TMEM63B: variants seen among roughly 807,000 people sequenced by gnomAD.
TMEM63B encodes the protein transmembrane protein 63B.
Under a neutral mutation model 102.6 loss-of-function variants are expected in TMEM63B, and 23 were observed. That is an observed-to-expected ratio of 0.22 (90% confidence interval 0.16 to 0.32). TMEM63B has a LOEUF of 0.32. Ranked by LOEUF, TMEM63B falls within the 10% of genes least tolerant of loss-of-function variation. The pLI, the probability that TMEM63B is intolerant of heterozygous loss-of-function variation, is 1.00. For missense variants in TMEM63B, 628 were observed against 1,095.9 expected (o/e 0.57, Z 6.03); for synonymous variants, 444 against 437.0 (o/e 1.02, Z -0.20).
At position 44,139,463 on chromosome 6, in the gene TMEM63B, G is replaced by A. The variant is rs11967633; in HGVS notation, c.408-4G>A. 0.33 allele frequency: 533,595 copies of A among 1,613,828 alleles called. 91,990 individuals carry two copies. Among genetic ancestry groups the A allele is most frequent in the Non-Finnish European group, 0.36 (424,643 of 1,179,860 alleles). On this transcript the variant is annotated splice_polypyrimidine_tract_variant and splice_region_variant and intron_variant, in intron 6 of 23. Transcript: ENST00000323267. ...ATTCCTTTGTCCAACCCGTATGGCT[G>A]CAGGGATGATGAGATCCGGGACAAA...
chr6:44,127,088 G>A (rs754557871), upstream of TMEM63B: 2 of 151,826 alleles, frequency 1.3e-5, no homozygotes, highest in African/African-American at 2.4e-5. Context: ...CGCCGGCCAC[G>A]GACTTGGGGG....
chr6:44,144,950 T>G (rs1561814499), intron 10 of TMEM63B, among the ~76,000 whole-genome samples: 1 of 151,980 alleles, frequency 6.6e-6, no homozygotes, highest in Non-Finnish European at 1.5e-5. Flanking sequence ...GATTAAGGAT[T>G]AGGATCAAAG....
chr6:44,126,875 TC>T (rs1302250519), upstream of TMEM63B: 1 of 152,174 alleles, frequency 6.6e-6, no homozygotes, highest in Non-Finnish European at 1.5e-5. Flanking sequence ...GGCGCACTCA[TC>T]AGCGTTGACA....
intron 1 of TMEM63B, among the ~76,000 whole-genome samples, chr6:44,129,543 A>G (rs1255786322): frequency 6.6e-6 from 1 of 152,162 alleles, no homozygotes; most frequent in Admixed American, 6.5e-5. Context: ...TAACTCTCCC[A>G]TGCCTCCACC....
At chr6:44,128,417 G>C (rs934886045) in intron 1 of TMEM63B, among the ~76,000 whole-genome samples, 3 of 152,258 alleles carry the variant, frequency 2.0e-5, no homozygotes, top group Non-Finnish European at 4.4e-5. Flanking sequence ...CAAAGGCCCT[G>C]TTGTGGGGAG....
rs1766856322 is a variant in TMEM63B, at chr6:44,152,275, T to A, written c.1836+267T>A. Among the ~76,000 whole-genome samples, 1 of 151,990 alleles carries A rather than the reference T, an allele frequency of 6.6e-6. No homozygotes were observed. ...TTGGGGAGATCTGGGTCCCTAGCGC[T>A]AGGGTCCCTCTGTCTTAATAAGAGG... On this transcript the variant is annotated intron_variant, in intron 19 of 23. Transcript: ENST00000323267. This position sits in a 1 kb window ranked among gnomAD's most constrained non-coding sequence, Gnocchi z 6.4.
chr6:44,132,405 A>G, intron 1 of TMEM63B: 1 of 852,458 alleles, frequency 1.2e-6, no homozygotes. Context: ...AGGAGTTGAT[A>G]GGAATGGTAC....
intron 20 of TMEM63B, among the ~76,000 whole-genome samples, chr6:44,153,292 C>T (rs184249285): frequency 3.9e-5 from 6 of 152,322 alleles, no homozygotes; most frequent in Admixed American, 3.9e-4. Flanking sequence ...CTCCAAGTTC[C>T]CAAACTAACT....
rs77370584 is a variant in TMEM63B at position 44,138,736 on chromosome 6, G to GCCCCCCCC, written c.407+226_407+227insCCCCCCCC. The stretch of plus-strand genomic sequence containing the variant: ...TAATCTCCTCTGTGACCCCCTGCCG[G>GCCCCCCCC]CCCCCCCGCTTCTCTCCCTGCCCTG... On this transcript the variant is annotated intron_variant, in intron 6 of 23. Transcript: ENST00000323267. The GCCCCCCCC allele has an allele frequency of 1.2e-3, 347 of 288,018 alleles. 1 individual carries two copies. The highest frequency in any genetic ancestry group is 4.4e-3 in the Middle Eastern group (5 of 1,130). The allele number at this position is 288,018 out of a possible 1,614,324, so 17.8% of individuals were successfully genotyped here.
At chr6:44,143,125 T>C (rs191603968) in intron 10 of TMEM63B, among the ~76,000 whole-genome samples, 14 of 152,308 alleles carry the variant, frequency 9.2e-5, no homozygotes, top group Admixed American at 1.3e-4. Flanking sequence ...CAATCAGAGA[T>C]AGTGTTTGGG....
In TMEM63B at chr6:44,150,519, G is replaced by A. The variant is rs1766377669; in HGVS notation, c.1608-45G>A. ...GGGACTTCCCCTCCCCTGGTGTTCT[G>A]TACCACTCCAGCTCCCACCCCATCT... On this transcript the variant is annotated intron_variant, in intron 17 of 23. Coordinates refer to ENST00000323267, the MANE Select transcript of TMEM63B (RefSeq NM_018426.3). This position sits in a 1 kb window ranked among gnomAD's most constrained non-coding sequence, Gnocchi z 4.7. 6.2e-7 allele frequency: 1 copy of A among 1,607,212 alleles called. No homozygotes were observed. Among genetic ancestry groups the A allele is most frequent in the Non-Finnish European group, 8.5e-7 (1 of 1,174,114 alleles).
chr6:44,127,438 C>G (rs1009039732), upstream of TMEM63B: 2 of 152,034 alleles, frequency 1.3e-5, no homozygotes, highest in East Asian at 1.9e-4. Flanking sequence ...GCGCGCCAGG[C>G]CCAGCCCGGC....
chr6:44,152,801 C>A lies in TMEM63B; in HGVS notation c.1942+103C>A. The A allele has an allele frequency of 1.0e-6, 1 of 981,200 alleles. No homozygotes were observed. Among genetic ancestry groups the A allele is most frequent in the Non-Finnish European group, 1.5e-6 (1 of 654,160 alleles). The allele number at this position is 981,200 out of a possible 1,614,324, so 60.8% of individuals were successfully genotyped here. On this transcript the variant is annotated intron_variant, in intron 20 of 23. Transcript: ENST00000323267. The surrounding 1 kb of genome is among the most constrained non-coding windows in gnomAD (Gnocchi z 6.4). ...GCCACCCCGAGTGGACAGGGCCCGG[C>A]TGGGAGACCGGCCCCTCGGGGCTCC...
At chr6:44,140,597 T>C (rs1298216640) in intron 9 of TMEM63B, 1 of 631,562 alleles carries the variant, frequency 1.6e-6, no homozygotes, top group African/African-American at 1.8e-5. Context: ...GAAACAGCCG[T>C]GCTGTGCCCA....
intron 1 of TMEM63B, among the ~76,000 whole-genome samples, chr6:44,131,656 T>C (rs1025887809): frequency 6.6e-6 from 1 of 151,936 alleles, no homozygotes; most frequent in Non-Finnish European, 1.5e-5. Context: ...GAGGCAGAGG[T>C]TGCAGTGAGC....
At chr6:44,143,410 A>G (rs947488816) in intron 10 of TMEM63B, among the ~76,000 whole-genome samples, 2 of 152,214 alleles carry the variant, frequency 1.3e-5, no homozygotes, top group Non-Finnish European at 2.9e-5. Flanking sequence ...TCAGCATTAA[A>G]GGGCACTCTG....
intron 1 of TMEM63B, chr6:44,134,315 C>G: frequency 2.2e-6 from 1 of 464,312 alleles, no homozygotes. Flanking sequence ...CCAGCCTCCC[C>G]AGTCCAGGCC....
At chr6:44,128,882 C>T (rs1777753810) in intron 1 of TMEM63B, among the ~76,000 whole-genome samples, 1 of 152,208 alleles carries the variant, frequency 6.6e-6, no homozygotes, top group Non-Finnish European at 1.5e-5. Context: ...CTGCTGTTGG[C>T]TCACTCAGTG....
intron 5 of TMEM63B, 109 bp downstream of exon 5, chr6:44,136,548 C>A: frequency 2.6e-6 from 2 of 782,288 alleles, no homozygotes; most frequent in South Asian, 1.6e-5. Flanking sequence ...CTGGTTTGGC[C>A]TCCTCCTCAG....
Sources: allele counts gnomAD v4.1 joint callset (sites outside exome capture counted in the v4.1 genomes callset), GRCh38; gene constraint gnomAD v4.1.1; non-coding constraint Gnocchi (gnomAD v3.1); transcripts MANE v1.5; gene names NCBI Gene and HGNC (gene_info 2026-07-23, HGNC 2026-07-21).